The following HOMEZ variants were observed in gnomAD, a reference collection of about 807,000 sequenced individuals.
HOMEZ encodes homeobox and leucine zipper protein Homez.
Under a neutral mutation model 50.1 loss-of-function variants are expected in HOMEZ, and 20 were observed. That is an observed-to-expected ratio of 0.40 (90% confidence interval 0.28 to 0.58). HOMEZ has a LOEUF of 0.58. Among genes scored for constraint, HOMEZ ranks in the 20% least tolerant of loss-of-function variants. The pLI is 0.46. For missense variants in HOMEZ, 579 were observed against 680.5 expected, an observed-to-expected ratio of 0.85 and a Z score of 1.66; for synonymous variants, 239 against 254.7, an observed-to-expected ratio of 0.94 and a Z score of 0.59.
chr14:23,275,551 A>ACCTC lies in HOMEZ; in HGVS notation c.*20_*23dup. The stretch of plus-strand genomic sequence containing the variant: ...AAGTTGGTTCATCTTTCAGTAACAG[A>ACCTC]CCTCCCCTCCCCCAGCTCCCCACTC... On this transcript the variant is annotated 3_prime_UTR_variant, in exon 2 of 2. Coordinates refer to ENST00000357460, the MANE Select transcript of HOMEZ (RefSeq NM_020834.3). 1.3e-6 allele frequency: 2 copies of ACCTC among 1,508,150 alleles called. No individual in the cohort carries two copies. Among genetic ancestry groups the ACCTC allele is most frequent in the African/African-American group, 2.8e-5 (2 of 71,946 alleles). The allele number at this position is 1,508,150 out of a possible 1,614,324, so 93.4% of individuals were successfully genotyped here.
At position 23,276,131 on chromosome 14, in the gene HOMEZ, T is replaced by A; in HGVS notation, c.1097A>T (p.Glu366Val). 1 of 1,613,942 alleles carries A rather than the reference T, an allele frequency of 6.2e-7. No homozygotes were observed. The highest frequency in any genetic ancestry group is 8.5e-7 in the Non-Finnish European group (1 of 1,179,878). ...AAAGGATTTAAGGATAGCCAGCTGCTCTTTGGTTTTGCGCTTGGTCTTTCG... is the reference window on the plus strand; with the variant it reads ...AAAGGATTTAAGGATAGCCAGCTGCACTTTGGTTTTGCGCTTGGTCTTTCG... ...RQRKTKRKTKEQLAILKSFFL... is the reference protein window; with the variant it reads ...RQRKTKRKTKVQLAILKSFFL... Residue 366 changes from glutamate (E) to valine (V), a missense_variant, in exon 2 of 2, where the codon GAG (glutamate) becomes GTG (valine). Physicochemically the swap from Glu to Val is moderately radical, Grantham distance 121 (BLOSUM62 -2). Coordinates refer to ENST00000357460, the MANE Select transcript of HOMEZ (RefSeq NM_020834.3). The surrounding 1 kb of genome is among the most constrained non-coding windows in gnomAD (Gnocchi z 4.1).
At chr14:23,281,593 G>A (rs977046415) in intron 1 of HOMEZ, among the ~76,000 whole-genome samples, 1 of 152,050 alleles carries the variant, frequency 6.6e-6, no homozygotes, top group Non-Finnish European at 1.5e-5. Context: ...ACAAATTAAT[G>A]CAACTCCACT....
At chr14:23,280,730 ATTTTATTTTATTATTTTATT>A (rs1886511641) in intron 1 of HOMEZ, among the ~76,000 whole-genome samples, 2 of 70,628 alleles carry the variant, frequency 2.8e-5, no homozygotes, top group African/African-American at 1.1e-4. Flanking sequence ...ATTTTATTTT[ATTTTATTTTATTATTTTATT>A]TTATTTTATT....
Position 23,276,229 on chromosome 14 carries a change from T to G in HOMEZ, c.999A>C (p.Gln333His), listed in dbSNP as rs747430447. ...LPPHLEPAWP[Q>H]GLRHNSVPGR... The stretch of plus-strand genomic sequence containing the variant: ...CTGGTACTGAGTTATGCCGTAGCCC[T>G]TGGGGCCAGGCTGGTTCCAGATGTG... Residue 333 changes from glutamine (Q) to histidine (H), a missense_variant, in exon 2 of 2, where the codon CAA (glutamine) becomes CAC (histidine). Gln to His is a conservative substitution (Grantham distance 24). Transcript: ENST00000357460. This position sits in a 1 kb window ranked among gnomAD's most constrained non-coding sequence, Gnocchi z 4.1. The G allele has an allele frequency of 1.2e-6, 2 of 1,614,008 alleles. No homozygotes were observed. Among genetic ancestry groups the G allele is most frequent in the South Asian group, 2.2e-5 (2 of 91,078 alleles).
chr14:23,285,309 G>C (rs1198178729), intron 1 of HOMEZ: 1 of 151,882 alleles, frequency 6.6e-6, no homozygotes, highest in East Asian at 1.9e-4. Flanking sequence ...GTCTCAGCTT[G>C]AGTCTTCTTT....
rs1886346294 is a variant in HOMEZ at position 23,276,064 on chromosome 14, CT to C, written c.1163del (p.Lys388SerfsTer2). 6.2e-7 allele frequency: 1 copy of C among 1,613,978 alleles called. No individual in the cohort carries two copies. Among genetic ancestry groups the C allele is most frequent in the Non-Finnish European group, 8.5e-7 (1 of 1,179,856 alleles). ...GAGGTAAACCAGTGATCTGTTCTAA[CT>C]TTTGGTAATCCTCACGCCGTGCCCA... ...CQWARREDYQ[K>X]LEQITGLPRP... On this transcript the variant is annotated frameshift_variant, in exon 2 of 2. Transcript: ENST00000357460. LOFTEE classifies it high-confidence loss of function. This position sits in a 1 kb window ranked among gnomAD's most constrained non-coding sequence, Gnocchi z 4.1.
rs1477158502 is a variant in HOMEZ at position 23,274,897 on chromosome 14, C to T, written c.*678G>A. 3 of 150,472 alleles carry T rather than the reference C, an allele frequency of 2.0e-5. No homozygotes were observed. The South Asian group carries it at 6.3e-4, about 32-fold the overall frequency. 9.3% of individuals were successfully genotyped at this position (150,472 alleles called of 1,614,324 possible). A position where few individuals can be genotyped will look rare whatever the true frequency, so the allele number is the denominator to read the frequency against. ...CTACAGCCTGGGCGACAGAGCAAGA[C>T]TCCACCTCAAAAAAAAAAAAAAGAA... On this transcript the variant is annotated 3_prime_UTR_variant, in exon 2 of 2. Transcript: ENST00000357460.
rs760889573 is a variant in HOMEZ at position 23,275,471 on chromosome 14, G to A, written c.*104C>T. 23 of 1,425,120 alleles carry A rather than the reference G, an allele frequency of 1.6e-5. 1 individual carries two copies. Among genetic ancestry groups the A allele is most frequent in the Non-Finnish European group, 2.0e-5 (22 of 1,073,658 alleles). The allele number at this position is 1,425,120 out of a possible 1,614,324, so 88.3% of individuals were successfully genotyped here. On this transcript the variant is annotated 3_prime_UTR_variant, in exon 2 of 2. Transcript: ENST00000357460. ...ACCCTGAAGAACACAAAGCTTTTTAGTTCTCTGCCACAAGGTAATTTTAAA... is the reference window on the plus strand; with the variant it reads ...ACCCTGAAGAACACAAAGCTTTTTAATTCTCTGCCACAAGGTAATTTTAAA...
chr14:23,285,898 C>A lies in HOMEZ; in HGVS notation c.40+15G>T. On this transcript the variant is annotated intron_variant, in intron 1 of 1. Transcript: ENST00000357460. ...GAGCTGGGAGGGGAAGTCCAAGGGG[C>A]TGGGGATCACTCACCGCAGTCCAGC... The A allele has an allele frequency of 8.0e-7, 1 of 1,243,576 alleles. No individual in the cohort carries two copies. The highest frequency in any genetic ancestry group is 4.2e-5 in the Admixed American group (1 of 23,716). The allele number at this position is 1,243,576 out of a possible 1,614,324, so 77.0% of individuals were successfully genotyped here. A position where few individuals can be genotyped will look rare whatever the true frequency, so the allele number is the denominator to read the frequency against.
chr14:23,276,772 C>T lies in HOMEZ; in HGVS notation c.456G>A (p.Val152=), dbSNP rs2140502279. Residue 152 remains valine (V), a synonymous_variant, in exon 2 of 2, where the codon GTG becomes GTA. Coordinates refer to ENST00000357460, the MANE Select transcript of HOMEZ (RefSeq NM_020834.3). This position sits in a 1 kb window ranked among gnomAD's most constrained non-coding sequence, Gnocchi z 4.1. The part of the protein sequence containing the change: ...THHAGRPPEE[V]PPPPVPAPEQ... Reference sequence around the variant, plus strand: ...CTGGAGCTGGCACTGGAGGAGGAGGCACCTCCTCTGGGGGCCGTCCCGCAT... The same window carrying T: ...CTGGAGCTGGCACTGGAGGAGGAGGTACCTCCTCTGGGGGCCGTCCCGCAT... 2 of 1,614,022 alleles carry T rather than the reference C, an allele frequency of 1.2e-6. No individual in the cohort carries two copies. The highest frequency in any genetic ancestry group is 2.2e-5 in the East Asian group (1 of 44,890).
Position 23,272,587 on chromosome 14 carries a change from C to T in HOMEZ, c.*2988G>A, listed in dbSNP as rs1886186727. 1.9e-6 allele frequency: 1 copy of T among 519,540 alleles called. No homozygotes were observed. Among genetic ancestry groups the T allele is most frequent in the Admixed American group, 3.5e-5 (1 of 28,220 alleles). 32.2% of individuals were successfully genotyped at this position (519,540 alleles called of 1,614,324 possible). On this transcript the variant is annotated 3_prime_UTR_variant, in exon 2 of 2. Transcript: ENST00000357460. ...AGATTTTCCAAAATAGTTTAATTTTCAAATATTCATCCTTATTATTATCAC... is the reference window on the plus strand; with the variant it reads ...AGATTTTCCAAAATAGTTTAATTTTTAAATATTCATCCTTATTATTATCAC...
chr14:23,280,774 T>TTTTA (rs1566451320), intron 1 of HOMEZ, among the ~76,000 whole-genome samples: 6 of 131,780 alleles, frequency 4.6e-5, no homozygotes, highest in African/African-American at 1.7e-4. Context: ...TTTTATTTTA[T>TTTTA]TTTATTTTAT....
chr14:23,280,696 T>TTTATTTTA (rs1555323503), intron 1 of HOMEZ, among the ~76,000 whole-genome samples: 1 of 97,152 alleles, frequency 1.0e-5, no homozygotes, highest in Non-Finnish European at 2.4e-5. Context: ...TTTATTTTTA[T>TTTATTTTA]TTTTATATTT....
At chr14:23,285,469 C>T (rs1430701763) in intron 1 of HOMEZ, 1 of 155,414 alleles carries the variant, frequency 6.4e-6, no homozygotes, top group Admixed American at 6.5e-5. Flanking sequence ...GCCACTGATC[C>T]CCAGAAGCAA....
Position 23,275,407 on chromosome 14 carries a change from T to C in HOMEZ, c.*168A>G, listed in dbSNP as rs975009812. On this transcript the variant is annotated 3_prime_UTR_variant, in exon 2 of 2. Transcript: ENST00000357460. The stretch of plus-strand genomic sequence containing the variant: ...AGCCTTACTTAGTGCCCTATGGTCA[T>C]TCTCCCTGGTCCACCCTCACTATAT... 7 of 779,334 alleles carry C rather than the reference T, an allele frequency of 9.0e-6. No homozygotes were observed. In the African/African-American group the frequency reaches 1.1e-4, roughly 12 times the overall value. The allele number at this position is 779,334 out of a possible 1,614,324, so 48.3% of individuals were successfully genotyped here. A position where few individuals can be genotyped will look rare whatever the true frequency, so the allele number is the denominator to read the frequency against.
chr14:23,277,986 G>A (rs887367536), intron 1 of HOMEZ, among the ~76,000 whole-genome samples: 8 of 151,230 alleles, frequency 5.3e-5, no homozygotes, highest in African/African-American at 1.5e-4. Context: ...CCGCCACCAC[G>A]CCCGGCTACT....
intron 1 of HOMEZ, among the ~76,000 whole-genome samples, chr14:23,284,479 C>T (rs529152951): frequency 1.3e-4 from 20 of 152,350 alleles, no homozygotes; most frequent in Non-Finnish European, 2.1e-4. Context: ...GCGCCAAAAT[C>T]ATCTGCTTCA....
intron 1 of HOMEZ, 71 bp downstream of exon 1, chr14:23,285,842 G>T: frequency 2.3e-6 from 2 of 875,204 alleles, no homozygotes; most frequent in Non-Finnish European, 3.1e-6. Flanking sequence ...CCAGCGCGGG[G>T]ATGGGGCTCC....
At chr14:23,280,866 T>G (rs1024424557) in intron 1 of HOMEZ, among the ~76,000 whole-genome samples, 1 of 150,470 alleles carries the variant, frequency 6.6e-6, no homozygotes, top group Non-Finnish European at 1.5e-5. Flanking sequence ...CTCCGCCTCC[T>G]GGGTTCAAGT....
Sources: allele counts gnomAD v4.1 joint callset (sites outside exome capture counted in the v4.1 genomes callset), GRCh38; gene constraint gnomAD v4.1.1; non-coding constraint Gnocchi (gnomAD v3.1); transcripts MANE v1.5; gene names NCBI Gene and HGNC (gene_info 2026-07-23, HGNC 2026-07-21).